Variants in NKAIN3 observed in about 807,000 individuals in gnomAD.
NKAIN3 encodes sodium/potassium transporting ATPase interacting 3, also known as sodium/potassium-transporting ATPase subunit beta-1-interacting protein 3.
Under a neutral mutation model 30.2 loss-of-function variants are expected in NKAIN3, and 25 were observed. The observed-to-expected ratio is 0.83, with a 90% confidence interval of 0.60 to 1.16. The LOEUF (loss-of-function observed/expected upper bound fraction) is 1.16, where lower values mean the gene tolerates loss of function less well. Ranked by LOEUF, NKAIN3 falls within the 50% of genes most tolerant of loss-of-function variation. The pLI is 0.00. For missense variants in NKAIN3, 225 were observed against 254.1 expected (o/e 0.89, Z 0.78); for synonymous variants, 91 against 89.6 (o/e 1.02, Z -0.09).
chr8:62,501,288 C>G (rs149249461), intron 1 of NKAIN3, among the ~76,000 whole-genome samples: 1,788 of 152,236 alleles, frequency 0.012, 38 homozygotes, highest in African/African-American at 0.042. Flanking sequence ...TACTCACTGC[C>G]ACCCTCATGA....
In NKAIN3 at chr8:62,976,652, C is replaced by A. The variant is rs951277199; in HGVS notation, c.*11245C>A. Reference sequence around the variant, plus strand: ...TCTTTATCCAATTTGCCAGTCTGTGCCTTTTAATTGGGGCATTTAGCCCAT... The same window carrying A: ...TCTTTATCCAATTTGCCAGTCTGTGACTTTTAATTGGGGCATTTAGCCCAT... On this transcript the variant is annotated 3_prime_UTR_variant, in exon 7 of 7. Transcript: ENST00000623646. Among the ~76,000 whole-genome samples the A allele has an allele frequency of 6.6e-6, 1 of 152,000 alleles. No homozygotes were observed. Among genetic ancestry groups the A allele is most frequent in the Admixed American group, 6.5e-5 (1 of 15,272 alleles).
chr8:62,890,651 A>T (rs897923251), intron 4 of NKAIN3, among the ~76,000 whole-genome samples: 1 of 152,202 alleles, frequency 6.6e-6, no homozygotes, highest in Non-Finnish European at 1.5e-5. Context: ...TTCCACCTGG[A>T]GCACCATTAG....
intron 4 of NKAIN3, among the ~76,000 whole-genome samples, chr8:62,764,348 G>C (rs957828140): frequency 6.6e-6 from 1 of 152,158 alleles, no homozygotes; most frequent in African/African-American, 2.4e-5. Context: ...TAAGTATTTT[G>C]TTCAAGGTCC....
At chr8:62,354,629 C>T (rs1423842751) in intron 1 of NKAIN3, among the ~76,000 whole-genome samples, 1 of 152,026 alleles carries the variant, frequency 6.6e-6, no homozygotes, top group Non-Finnish European at 1.5e-5. Context: ...TTTTTAGTAG[C>T]AAAGGGTTTC....
intron 4 of NKAIN3, among the ~76,000 whole-genome samples, chr8:62,847,463 G>A (rs1202463592): frequency 6.6e-6 from 1 of 151,962 alleles, no homozygotes; most frequent in African/African-American, 2.4e-5. Context: ...TCATATGATT[G>A]TTGGCCACAT....
intron 1 of NKAIN3, among the ~76,000 whole-genome samples, chr8:62,452,239 G>A (rs912168338): frequency 6.6e-6 from 1 of 152,162 alleles, no homozygotes; most frequent in Non-Finnish European, 1.5e-5. Context: ...ACTTTGGGAG[G>A]CTGAAGTGGG....
intron 1 of NKAIN3, among the ~76,000 whole-genome samples, chr8:62,261,607 C>A: frequency 6.6e-6 from 1 of 152,192 alleles, no homozygotes; most frequent in East Asian, 1.9e-4. Flanking sequence ...GATTGAAATA[C>A]CTTTTGACAC....
At chr8:62,293,775 G>A (rs1030212876) in intron 1 of NKAIN3, among the ~76,000 whole-genome samples, 4 of 152,214 alleles carry the variant, frequency 2.6e-5, no homozygotes, top group African/African-American at 7.2e-5. Flanking sequence ...GTCAGACAGG[G>A]AAGTTTAAGT....
intron 3 of NKAIN3, among the ~76,000 whole-genome samples, chr8:62,598,365 G>A (rs1810894455): frequency 6.6e-6 from 1 of 151,968 alleles, no homozygotes; most frequent in Non-Finnish European, 1.5e-5. Flanking sequence ...GCCTAAGGTT[G>A]GCCAGAGTGA....
chr8:62,859,606 G>T (rs569422599), intron 4 of NKAIN3, among the ~76,000 whole-genome samples: 2 of 146,802 alleles, frequency 1.4e-5, no homozygotes, highest in South Asian at 2.2e-4. Context: ...ACATATATGC[G>T]TGTGTGTGTG....
At position 62,808,752 on chromosome 8, in the gene NKAIN3, C is replaced by T. The variant is rs117335859; in HGVS notation, c.471+61623C>T. 8.6e-3 allele frequency among the ~76,000 whole-genome samples: 1,315 copies of T among 152,132 alleles called. 12 individuals are homozygous for T. The highest frequency in any genetic ancestry group is 0.024 in the Middle Eastern group (7 of 294). On this transcript the variant is annotated intron_variant, in intron 4 of 6. Transcript: ENST00000623646. ...TATCACAAGGCAAATGGGGGCAGAC[C>T]GAGATCACAAGACCAGGGTGAAATT...
intron 1 of NKAIN3, among the ~76,000 whole-genome samples, chr8:62,336,223 T>C (rs1030889479): frequency 9.2e-5 from 14 of 152,050 alleles, no homozygotes. Flanking sequence ...TTCCTCTGAA[T>C]CTTGCTTAGA....
intron 5 of NKAIN3, among the ~76,000 whole-genome samples, chr8:62,923,528 G>T (rs1192972388): frequency 1.3e-5 from 2 of 152,122 alleles, no homozygotes; most frequent in African/African-American, 4.8e-5. Flanking sequence ...CATTTTTAAT[G>T]CAATTAGATA....
Position 62,378,364 on chromosome 8 carries a change from A to C in NKAIN3, c.54+129237A>C, listed in dbSNP as rs112564824. 2.2e-3 allele frequency among the ~76,000 whole-genome samples: 333 copies of C among 152,324 alleles called. 3 individuals carry two copies. Among genetic ancestry groups the C allele is most frequent in the African/African-American group, 7.0e-3 (292 of 41,580 alleles). On this transcript the variant is annotated intron_variant, in intron 1 of 6. Transcript: ENST00000623646. ...AGTAGAAAAGACAAACCCATTTTCT[A>C]GGGAGAAATTCAAGCCAGCTGCAGA... is the stretch of plus-strand genomic sequence containing the variant.
intron 3 of NKAIN3, among the ~76,000 whole-genome samples, chr8:62,605,149 C>T (rs748167915): frequency 1.1e-4 from 17 of 152,066 alleles, no homozygotes; most frequent in Non-Finnish European, 2.2e-4. Context: ...TATGTTCTTG[C>T]ATTTCTTCTG....
intron 1 of NKAIN3, among the ~76,000 whole-genome samples, chr8:62,489,077 A>G (rs1189615363): frequency 6.6e-6 from 1 of 152,148 alleles, no homozygotes; most frequent in South Asian, 2.1e-4. Flanking sequence ...CTAAGTATAT[A>G]TAGATCTTGG....
rs145689061 is a variant in NKAIN3, at chr8:62,893,352, G to T, written c.472-25101G>T. Among the ~76,000 whole-genome samples the T allele has an allele frequency of 5.9e-4, 90 of 152,262 alleles. No homozygotes were observed. The East Asian group carries it at 0.016, about 27-fold the overall frequency. ...AGTTTGAGTGGACTGCTGATATACAGAATTTAGGTCCAATTTTTCCTCTAA... is the reference window on the plus strand; with the variant it reads ...AGTTTGAGTGGACTGCTGATATACATAATTTAGGTCCAATTTTTCCTCTAA... On this transcript the variant is annotated intron_variant, in intron 4 of 6. Transcript: ENST00000623646.
At chr8:62,260,494 A>T (rs373330689) in intron 1 of NKAIN3, among the ~76,000 whole-genome samples, 1 of 152,228 alleles carries the variant, frequency 6.6e-6, no homozygotes, top group African/African-American at 2.4e-5. Flanking sequence ...TCAAGAAATC[A>T]TCTAGAGCCA....
At chr8:62,863,949 C>CGGTGGT (rs2130791505) in intron 4 of NKAIN3, 5 of 927,240 alleles carry the variant, frequency 5.4e-6, no homozygotes, top group Non-Finnish European at 8.9e-6. Flanking sequence ...CCAAAGGTGG[C>CGGTGGT]GGTGGTGGTG....
Sources: allele counts gnomAD v4.1 joint callset (sites outside exome capture counted in the v4.1 genomes callset), GRCh38; gene constraint gnomAD v4.1.1; transcripts MANE v1.5; gene names NCBI Gene and HGNC (gene_info 2026-07-23, HGNC 2026-07-21).